The following TACR2 variants were observed in gnomAD, a reference collection of about 807,000 sequenced individuals.
The protein encoded by TACR2 is tachykinin receptor 2.
In TACR2, 24 loss-of-function variants were observed where a neutral mutation model predicts 28.9. The observed-to-expected ratio is 0.83, with a 90% CI of 0.60 to 1.17. The LOEUF is 1.17. TACR2 is among the 50% of genes most tolerant of loss of function. TACR2 has a pLI of 0.00. For missense variants in TACR2, 487 were observed against 524.4 expected, an observed-to-expected ratio of 0.93 and a Z score of 0.70; for synonymous variants, 222 against 212.6, an observed-to-expected ratio of 1.04 and a Z score of -0.38.
chr10:69,416,333 T>C lies in TACR2; in HGVS notation c.-10A>G, dbSNP rs1367418908. 3 of 1,575,612 alleles carry C rather than the reference T, an allele frequency of 1.9e-6. No individual in the cohort carries two copies. The highest frequency in any genetic ancestry group is 3.5e-5 in the Admixed American group (2 of 57,848). On this transcript the variant is annotated 5_prime_UTR_variant, in exon 1 of 5. Transcript: ENST00000373306. ...TGTCACAGGTCCCCATGGCTGCTTC[T>C]GGGTCTGGAACAAAGGACCTGGCTC...
chr10:69,405,456 A>G (rs1840494064), intron 4 of TACR2, among the ~76,000 whole-genome samples: 2 of 152,232 alleles, frequency 1.3e-5, no homozygotes, highest in African/African-American at 4.8e-5. Context: ...GATGAGTCAA[A>G]GAAGAACCTG....
At chr10:69,415,164 G>C (rs200556691) in intron 1 of TACR2, 25 bp from the exon 2 acceptor site, 2 of 1,596,200 alleles carry the variant, frequency 1.3e-6, no homozygotes, top group Non-Finnish European at 1.7e-6. Flanking sequence ...CAGCTTGAGC[G>C]GCAGGGGCCC....
intron 2 of TACR2, 137 bp from the exon 3 acceptor site, chr10:69,409,212 G>T: frequency 2.1e-6 from 2 of 957,412 alleles, no homozygotes; most frequent in Non-Finnish European, 2.9e-6. Flanking sequence ...CAGGGACTTG[G>T]TTTGATTTAA....
chr10:69,409,165 G>T, intron 2 of TACR2, 90 bp from the exon 3 acceptor site: 1 of 1,336,058 alleles, frequency 7.5e-7, no homozygotes, highest in Non-Finnish European at 9.7e-7. Flanking sequence ...CGCGGGCACT[G>T]TGGAGCCGCC....
chr10:69,411,457 A>G (rs1345474395), intron 2 of TACR2, among the ~76,000 whole-genome samples: 1 of 152,176 alleles, frequency 6.6e-6, no homozygotes, highest in African/African-American at 2.4e-5. Context: ...CTGGGATCCA[A>G]TCTGCCTTTC....
chr10:69,415,163 C>A (rs755464752), intron 1 of TACR2, 24 bp from the exon 2 acceptor site: 3 of 1,595,644 alleles, frequency 1.9e-6, no homozygotes, highest in Non-Finnish European at 2.6e-6. Context: ...GCAGCTTGAG[C>A]GGCAGGGGCC....
rs1840479627 is a variant in TACR2, at chr10:69,403,953, G to A, written c.*873C>T. 1 of 152,184 alleles carries A rather than the reference G, an allele frequency of 6.6e-6. No homozygotes were observed. The highest frequency in any genetic ancestry group is 2.4e-5 in the African/African-American group (1 of 41,442). 9.4% of individuals were successfully genotyped at this position (152,184 alleles called of 1,614,324 possible). A position where few individuals can be genotyped will look rare whatever the true frequency, so the allele number is the denominator to read the frequency against. On this transcript the variant is annotated 3_prime_UTR_variant, in exon 5 of 5. Coordinates refer to ENST00000373306, the MANE Select transcript of TACR2 (RefSeq NM_001057.3). ...TCTCTTGAAAGATTTAGAAGATCTAGCAACAGTGGGCTCCCATTATCATGT... is the reference window on the plus strand; with the variant it reads ...TCTCTTGAAAGATTTAGAAGATCTAACAACAGTGGGCTCCCATTATCATGT...
At chr10:69,415,311 C>T (rs1438751581) in intron 1 of TACR2, among the ~76,000 whole-genome samples, 172 bp from the exon 2 acceptor site, 2 of 152,206 alleles carry the variant, frequency 1.3e-5, no homozygotes, top group African/African-American at 2.4e-5. Context: ...CTGGGTGACT[C>T]TCCCACAGCC....
intron 2 of TACR2, among the ~76,000 whole-genome samples, chr10:69,412,729 A>AAG (rs1438666509): frequency 3.3e-5 from 5 of 152,184 alleles, no homozygotes; most frequent in Non-Finnish European, 5.9e-5. Context: ...AGCAGGAGCC[A>AAG]CACTCCTCTG....
Position 69,416,891 on chromosome 10 carries a change from C to T in TACR2, c.-568G>A, listed in dbSNP as rs1321652222. The T allele has an allele frequency of 6.6e-6, 1 of 152,432 alleles. No individual in the cohort carries two copies. Among genetic ancestry groups the T allele is most frequent in the Non-Finnish European group, 1.5e-5 (1 of 68,196 alleles). The allele number at this position is 152,432 out of a possible 1,614,324, so 9.4% of individuals were successfully genotyped here. ...GCTCAGGGCTCTGCCAGCTGCCAGC[C>T]CTCGCTGCAGCTTCCCTGCCGTTCT... On this transcript the variant is annotated 5_prime_UTR_variant, in exon 1 of 5. Transcript: ENST00000373306.
At chr10:69,414,877 G>C in intron 2 of TACR2, 68 bp downstream of exon 2, 1 of 1,521,296 alleles carries the variant, frequency 6.6e-7, no homozygotes, top group South Asian at 1.3e-5. Context: ...ATGCACGCGT[G>C]TGTACACACA....
chr10:69,414,948 A>G lies in TACR2; in HGVS notation c.584T>C (p.Leu195Pro), dbSNP rs778232164. The G allele has an allele frequency of 5.0e-6, 8 of 1,609,066 alleles. No individual in the cohort carries two copies. In the South Asian group the frequency reaches 8.8e-5, roughly 18 times the overall value. ...WPEDSGGKTL[L>P]LYHLVVIALI... ...CACAATCCCCCAGAGGCCTTACAGG[A>G]GGAGCGTCTTGCCCCCGCTGTCTTC... Residue 195 changes from leucine (L) to proline (P), a missense_variant, in exon 2 of 5, where the codon CTC becomes CCC. Transcript: ENST00000373306.
chr10:69,416,086 G>A lies in TACR2; in HGVS notation c.238C>T (p.Leu80Phe). Residue 80 changes from leucine (L) to phenylalanine (F), a missense_variant, in exon 1 of 5, where the codon CTC becomes TTC. Physicochemically the swap from Leu to Phe is conservative, Grantham distance 22. Transcript: ENST00000373306. ...GCGGCATTGAAGGCAGCCATGCAGA[G>A]GTCAGCCAGCGCCAGATTGACGATG... ...YFIVNLALAD[L>F]CMAAFNAAFN... The A allele has an allele frequency of 3.1e-6, 5 of 1,614,218 alleles. No individual in the cohort carries two copies. The highest frequency in any genetic ancestry group is 2.7e-5 in the African/African-American group (2 of 75,060).
chr10:69,407,483 C>T (rs12244952), intron 3 of TACR2, among the ~76,000 whole-genome samples: 2,759 of 152,320 alleles, frequency 0.018, 93 homozygotes, highest in African/African-American at 0.063. Flanking sequence ...TCAGGCAGGT[C>T]CCTCTGCCCA....
Position 69,416,310 on chromosome 10 carries a change from T to C in TACR2, c.14A>G (p.Asp5Gly), listed in dbSNP as rs61732394. Residue 5 changes from aspartate (D) to glycine (G), a missense_variant, in exon 1 of 5, where the codon GAC becomes GGC. Transcript: ENST00000373306. ...TGAGATATTGGCTTCAGTCACAATG[T>C]CACAGGTCCCCATGGCTGCTTCTGG... MGTC[D>G]IVTEANISSG... The C allele has an allele frequency of 4.3e-3, 6,927 of 1,592,700 alleles. 253 individuals are homozygous for C. The African/African-American group carries it at 0.081, about 19-fold the overall frequency.
chr10:69,407,137 C>T lies in TACR2; in HGVS notation c.885G>A (p.Leu295=), dbSNP rs1840508738. Reference sequence around the variant, plus strand: ...GATTGTACATGGTAGAGCTCATGGCCAACCAGAAGAGTGCCAGGTAGACTT... The same window carrying T: ...GATTGTACATGGTAGAGCTCATGGCTAACCAGAAGAGTGCCAGGTAGACTT... The part of the protein sequence containing the change: ...IQQVYLALFW[L]AMSSTMYNPI... The change falls in exon 4 of 5, where the codon TTG becomes TTA. Residue 295 remains leucine, a synonymous_variant. Coordinates refer to ENST00000373306, the MANE Select transcript of TACR2 (RefSeq NM_001057.3). The T allele has an allele frequency of 1.2e-6, 2 of 1,613,888 alleles. No individual in the cohort carries two copies. The highest frequency in any genetic ancestry group is 1.3e-5 in the African/African-American group (1 of 74,860).
Position 69,404,197 on chromosome 10 carries a change from A to G in TACR2, c.*629T>C, listed in dbSNP as rs199602191. 2 of 152,192 alleles carry G rather than the reference A, an allele frequency of 1.3e-5. No homozygotes were observed. Among genetic ancestry groups the G allele is most frequent in the Non-Finnish European group, 2.9e-5 (2 of 68,042 alleles). 9.4% of individuals were successfully genotyped at this position (152,192 alleles called of 1,614,324 possible). A position where few individuals can be genotyped will look rare whatever the true frequency, so the allele number is the denominator to read the frequency against. ...TTAAATTAGATAAATATCAGCTTAC[A>G]CTGTCTTTTCTGACCCTTACTGGAT... On this transcript the variant is annotated 3_prime_UTR_variant, in exon 5 of 5. Transcript: ENST00000373306.
At position 69,404,686 on chromosome 10, in the gene TACR2, G is replaced by C. The variant is rs200539605; in HGVS notation, c.*140C>G. 7.1e-5 allele frequency: 34 copies of C among 479,792 alleles called. No homozygotes were observed. The highest frequency in any genetic ancestry group is 1.1e-5 in the Non-Finnish European group (3 of 275,874). The allele number at this position is 479,792 out of a possible 1,614,324, so 29.7% of individuals were successfully genotyped here. On this transcript the variant is annotated 3_prime_UTR_variant, in exon 5 of 5. Transcript: ENST00000373306. ...GACACCACACTCTTTCTAACAACTT[G>C]TTATTTTGGGAACTAGTCCATTCCC...
intron 2 of TACR2, among the ~76,000 whole-genome samples, chr10:69,409,796 C>T (rs1047120616): frequency 6.7e-5 from 10 of 149,516 alleles, no homozygotes; most frequent in Non-Finnish European, 1.3e-4. Flanking sequence ...AAGCATCCAC[C>T]GGGTGTCTTG....
Sources: allele counts gnomAD v4.1 joint callset (sites outside exome capture counted in the v4.1 genomes callset), GRCh38; gene constraint gnomAD v4.1.1; transcripts MANE v1.5; gene names NCBI Gene and HGNC (gene_info 2026-07-23, HGNC 2026-07-21).